The following CFAP47 variants were observed in gnomAD, a reference collection of about 807,000 sequenced individuals.
CFAP47 encodes cilia- and flagella-associated protein 47.
In CFAP47, 29 loss-of-function variants were observed where a neutral mutation model predicts 148.1. That is an observed-to-expected ratio of 0.20 (90% CI 0.15 to 0.27). The LOEUF (loss-of-function observed/expected upper bound fraction) is 0.27, where lower values mean the gene tolerates loss of function less well. Ranked by LOEUF, CFAP47 falls within the 10% of genes least tolerant of loss-of-function variation. The probability of loss-of-function intolerance (pLI) is 1.00; values close to 1 mark genes in which losing one functional copy is unlikely to be tolerated. For missense variants in CFAP47, 1,872 were observed against 1,697.5 expected (o/e 1.10, Z -1.81); for synonymous variants, 664 against 577.3 (o/e 1.15, Z -2.15).
At position 35,989,422 on chromosome X, in the gene CFAP47, C is replaced by T. The variant is rs377100055; in HGVS notation, c.2817C>T (p.Asn939=). 73 of 1,208,320 alleles carry T rather than the reference C, an allele frequency of 6.0e-5. No homozygotes were observed. The highest frequency in any genetic ancestry group is 4.4e-4 in the African/African-American group (25 of 57,249). ...TTATTCTTCATGTCTTTCAAGGAAA[C>T]GCGTTGAAGCTAAAATGTGTTGCAC... The part of the protein sequence containing the change: ...GEFILHVFQG[N]ALKLKCVAHL... The change falls in exon 16 of 64, where the codon AAC becomes AAT. Residue 939 remains asparagine (N), a synonymous_variant. Transcript: ENST00000378653.
chrX:36,074,864 T>C (rs1256314132), intron 29 of CFAP47, among the ~76,000 whole-genome samples: 3 of 111,871 alleles, frequency 2.7e-5, no homozygotes, highest in African/African-American at 9.7e-5. Context: ...AGATAAAATG[T>C]ATGAGTGAGA....
chrX:36,047,320 T>A (rs1407490872), intron 26 of CFAP47, among the ~76,000 whole-genome samples: 4 of 111,695 alleles, frequency 3.6e-5, no homozygotes, highest in African/African-American at 1.3e-4. Flanking sequence ...ACTCTCAGTT[T>A]CCTCATCTAT....
intron 15 of CFAP47, among the ~76,000 whole-genome samples, chrX:35,984,272 T>C: frequency 9.0e-6 from 1 of 111,659 alleles, no homozygotes; most frequent in East Asian, 2.8e-4. Flanking sequence ...TATAAGTTTT[T>C]TTTTGTATTT....
chrX:36,153,949 G>A (rs1939337847), intron 37 of CFAP47, among the ~76,000 whole-genome samples: 1 of 111,952 alleles, frequency 8.9e-6, no homozygotes, highest in South Asian at 3.8e-4. Flanking sequence ...CTGGGCCTAT[G>A]ATGGGAGAGG....
chrX:36,368,544 A>G (rs1347335918), intron 62 of CFAP47, among the ~76,000 whole-genome samples: 2 of 111,506 alleles, frequency 1.8e-5, no homozygotes, highest in Non-Finnish European at 3.8e-5. Context: ...AGAAACTAAC[A>G]TCAGGTGGAT....
intron 15 of CFAP47, among the ~76,000 whole-genome samples, chrX:35,981,666 C>T (rs1429787253): frequency 9.0e-6 from 1 of 111,299 alleles, no homozygotes; most frequent in Non-Finnish European, 1.9e-5. Flanking sequence ...TCAATCCTCA[C>T]CCTCCTCCCA....
chrX:36,252,419 T>G (rs782288759), intron 49 of CFAP47, among the ~76,000 whole-genome samples: 1 of 110,582 alleles, frequency 9.0e-6, no homozygotes, highest in African/African-American at 3.3e-5. Context: ...ATTACCACTG[T>G]AATAGAATTT....
intron 51 of CFAP47, among the ~76,000 whole-genome samples, chrX:36,298,124 G>T (rs1400918330): frequency 9.8e-6 from 1 of 102,005 alleles, no homozygotes; most frequent in Non-Finnish European, 2.0e-5. Context: ...GTTTATTGCG[G>T]CACTATTCAC....
intron 2 of CFAP47, among the ~76,000 whole-genome samples, chrX:35,937,362 C>T (rs754280161): frequency 2.1e-4 from 23 of 109,028 alleles, no homozygotes; most frequent in South Asian, 4.1e-4. Context: ...ACTAGGTCAG[C>T]GGGCAAAGAA....
intron 13 of CFAP47, 33 bp downstream of exon 13, chrX:35,971,998 ATT>A (rs1251427334): frequency 1.7e-5 from 14 of 814,760 alleles, no homozygotes; most frequent in Non-Finnish European, 2.2e-5. Flanking sequence ...TACAGCCTTT[ATT>A]TTTTTATAAA....
intron 27 of CFAP47, among the ~76,000 whole-genome samples, chrX:36,066,043 G>T (rs964041453): frequency 4.5e-5 from 5 of 112,065 alleles, no homozygotes; most frequent in African/African-American, 1.6e-4. Context: ...TTCTGTAGCA[G>T]TGGGAACCTT....
intron 41 of CFAP47, among the ~76,000 whole-genome samples, chrX:36,189,283 T>G (rs1386381257): frequency 9.0e-6 from 1 of 111,060 alleles, no homozygotes; most frequent in African/African-American, 3.3e-5. Flanking sequence ...GCTTGAGTCC[T>G]TTCAAAGTCT....
chrX:36,241,315 C>A (rs1162688127), intron 48 of CFAP47, among the ~76,000 whole-genome samples: 1 of 111,782 alleles, frequency 8.9e-6, no homozygotes, highest in Non-Finnish European at 1.9e-5. Flanking sequence ...GGAGTGCAGC[C>A]GTAAGTGTCC....
intron 46 of CFAP47, among the ~76,000 whole-genome samples, chrX:36,230,430 G>A (rs1417036006): frequency 5.5e-5 from 6 of 108,701 alleles, no homozygotes; most frequent in Admixed American, 3.9e-4. Context: ...GTCTGTTCAC[G>A]TCCTTCACCC....
At chrX:36,087,227 C>T (rs1489223203) in intron 30 of CFAP47, among the ~76,000 whole-genome samples, 1 of 111,744 alleles carries the variant, frequency 8.9e-6, no homozygotes, top group East Asian at 2.8e-4. Flanking sequence ...AGATACATGG[C>T]TTTAGAAGGT....
At chrX:36,341,212 T>C (rs1281807785) in intron 57 of CFAP47, among the ~76,000 whole-genome samples, 1 of 109,555 alleles carries the variant, frequency 9.1e-6, no homozygotes, top group African/African-American at 3.3e-5. Context: ...ATTTTTTGTA[T>C]TTTTAGTAGA....
chrX:36,158,510 C>T (rs1311539008), intron 37 of CFAP47, among the ~76,000 whole-genome samples: 2 of 112,051 alleles, frequency 1.8e-5, no homozygotes, highest in Non-Finnish European at 3.8e-5. Context: ...AGATCACTGC[C>T]TCATGGATGG....
intron 30 of CFAP47, among the ~76,000 whole-genome samples, chrX:36,088,811 A>C (rs952237735): frequency 8.9e-5 from 10 of 111,967 alleles, no homozygotes; most frequent in Non-Finnish European, 1.9e-4. Flanking sequence ...TTCATTGAAA[A>C]TAATAAAATT....
chrX:36,070,556 G>A (rs1461513579), intron 27 of CFAP47, among the ~76,000 whole-genome samples: 2 of 103,076 alleles, frequency 1.9e-5, no homozygotes, highest in Admixed American at 2.1e-4. Context: ...GGAATGCAGT[G>A]GCACAATCTC....
Sources: allele counts gnomAD v4.1 joint callset (sites outside exome capture counted in the v4.1 genomes callset), GRCh38; gene constraint gnomAD v4.1.1; transcripts MANE v1.5; gene names NCBI Gene and HGNC (gene_info 2026-07-23, HGNC 2026-07-21).